The following FOCAD variants were observed in gnomAD, a reference collection of about 807,000 sequenced individuals.
FOCAD encodes focadhesin.
Under a neutral mutation model 225.6 loss-of-function variants are expected in FOCAD, and 198 were observed. The ratio of observed to expected loss-of-function variants is 0.88; its 90% CI spans 0.78 to 0.99. FOCAD has a LOEUF of 0.99. FOCAD is among the 50% of genes least tolerant of loss of function. The pLI, the probability that FOCAD is intolerant of heterozygous loss-of-function variation, is 0.00. For missense variants in FOCAD, 2,713 were observed against 2,123.6 expected (o/e 1.28, Z -5.46); for synonymous variants, 897 against 755.0 (o/e 1.19, Z -3.08).
At chr9:20,752,647 A>T (rs1413317488) in intron 5 of FOCAD, among the ~76,000 whole-genome samples, 1 of 151,928 alleles carries the variant, frequency 6.6e-6, no homozygotes, top group Non-Finnish European at 1.5e-5. Flanking sequence ...TGCGGGCTCT[A>T]TTTTGGTTCC....
At chr9:20,670,517 A>G (rs1416663240) in intron 2 of FOCAD, among the ~76,000 whole-genome samples, 1 of 152,168 alleles carries the variant, frequency 6.6e-6, no homozygotes, top group Non-Finnish European at 1.5e-5. Flanking sequence ...GAATAGAGAA[A>G]GGGAGGGAGT....
chr9:20,682,124 A>C (rs969201987), upstream of FOCAD, among the ~76,000 whole-genome samples: 1 of 152,206 alleles, frequency 6.6e-6, no homozygotes, highest in African/African-American at 2.4e-5. Flanking sequence ...GGCACCATCC[A>C]TGAGGAATGG....
intron 35 of FOCAD, among the ~76,000 whole-genome samples, chr9:20,960,662 G>A (rs1838620847): frequency 6.6e-6 from 1 of 151,732 alleles, no homozygotes; most frequent in African/African-American, 2.4e-5. Context: ...GTATACATGT[G>A]CCATATTGGT....
chr9:20,887,832 T>A (rs1433112317), intron 21 of FOCAD, among the ~76,000 whole-genome samples: 1 of 152,236 alleles, frequency 6.6e-6, no homozygotes, highest in Non-Finnish European at 1.5e-5. Context: ...TCAGTTGCTC[T>A]GCCTTCTTGT....
At chr9:20,755,264 TC>T (rs1828944772) in intron 5 of FOCAD, among the ~76,000 whole-genome samples, 1 of 152,212 alleles carries the variant, frequency 6.6e-6, no homozygotes, top group Admixed American at 6.6e-5. Flanking sequence ...ATGATCCCTA[TC>T]CTACTATATT....
chr9:20,696,674 G>A (rs529221466), intron 1 of FOCAD, among the ~76,000 whole-genome samples: 12 of 152,232 alleles, frequency 7.9e-5, no homozygotes, highest in South Asian at 2.1e-4. Context: ...GCATGGTGGC[G>A]CAAGCCTGTA....
chr9:20,758,031 A>T, intron 5 of FOCAD, 59 bp from the exon 6 acceptor site: 1 of 1,100,108 alleles, frequency 9.1e-7, no homozygotes, highest in Non-Finnish European at 1.3e-6. Flanking sequence ...CTATATTTGG[A>T]TATTGAAAAT....
At chr9:20,884,609 A>C (rs1830952655) in intron 20 of FOCAD, among the ~76,000 whole-genome samples, 4 of 151,892 alleles carry the variant, frequency 2.6e-5, no homozygotes, top group African/African-American at 9.7e-5. Flanking sequence ...ATAGTATTTT[A>C]AATATTAGCT....
At chr9:20,766,661 C>A (rs533000407) in intron 7 of FOCAD, among the ~76,000 whole-genome samples, 2 of 151,696 alleles carry the variant, frequency 1.3e-5, no homozygotes, top group Non-Finnish European at 2.9e-5. Context: ...TCCTCACCTC[C>A]CTCCCTTCCT....
chr9:20,933,248 T>G (rs1835655152), intron 28 of FOCAD, 145 bp downstream of exon 28: 1 of 601,082 alleles, frequency 1.7e-6, no homozygotes, highest in African/African-American at 1.9e-5. Flanking sequence ...TTTGGTTACA[T>G]GAGTAAGTTC....
intron 19 of FOCAD, among the ~76,000 whole-genome samples, chr9:20,880,617 T>A (rs1014546421): frequency 6.6e-6 from 1 of 152,178 alleles, no homozygotes; most frequent in Non-Finnish European, 1.5e-5. Context: ...TATTGGTGTT[T>A]TTGAGCTTTG....
At chr9:20,912,989 A>C (rs1259526436) in intron 23 of FOCAD, 35 bp downstream of exon 23, 2 of 1,554,002 alleles carry the variant, frequency 1.3e-6, no homozygotes, top group African/African-American at 1.4e-5. Context: ...ATTATTTGTC[A>C]TGGGAAGTGA....
intron 15 of FOCAD, among the ~76,000 whole-genome samples, chr9:20,843,602 C>T (rs1358763782): frequency 2.0e-5 from 3 of 152,016 alleles, no homozygotes; most frequent in Non-Finnish European, 4.4e-5. Context: ...ATTAAAGCTG[C>T]TTGGTGTTCC....
intron 15 of FOCAD, among the ~76,000 whole-genome samples, chr9:20,855,974 C>G (rs1253688492): frequency 1.3e-5 from 2 of 151,612 alleles, no homozygotes; most frequent in Non-Finnish European, 3.0e-5. Flanking sequence ...ACCACATTTT[C>G]TTTATTCATT....
intron 4 of FOCAD, among the ~76,000 whole-genome samples, chr9:20,732,608 G>A (rs1177899251): frequency 6.6e-6 from 1 of 152,086 alleles, no homozygotes; most frequent in East Asian, 1.9e-4. Flanking sequence ...TTTATCTAGC[G>A]GGTGTTAGTG....
intron 15 of FOCAD, among the ~76,000 whole-genome samples, chr9:20,841,479 G>A (rs897357394): frequency 1.3e-5 from 2 of 151,440 alleles, no homozygotes; most frequent in African/African-American, 4.8e-5. Context: ...TTTCTTCCTA[G>A]TTTGGTCTTG....
At chr9:20,931,190 C>T (rs1835433718) in intron 27 of FOCAD, among the ~76,000 whole-genome samples, 1 of 152,152 alleles carries the variant, frequency 6.6e-6, no homozygotes, top group Non-Finnish European at 1.5e-5. Flanking sequence ...CTTGACCCTG[C>T]TTCCTAGGTT....
chr9:20,695,029 T>G (rs927583479), intron 1 of FOCAD, among the ~76,000 whole-genome samples: 10 of 152,202 alleles, frequency 6.6e-5, no homozygotes. Context: ...TGTCATTGAT[T>G]TGTTGGAGAA....
At chr9:20,847,562 G>A (rs181762287) in intron 15 of FOCAD, among the ~76,000 whole-genome samples, 1 of 151,738 alleles carries the variant, frequency 6.6e-6, no homozygotes, top group East Asian at 1.9e-4. Flanking sequence ...TATTTAGTTG[G>A]TGTGACAAGA....
Sources: gnomAD v4.1 joint callset for allele counts (sites outside exome capture counted in the v4.1 genomes callset) on GRCh38, gnomAD v4.1.1 for gene constraint, MANE v1.5 for transcripts, NCBI Gene and HGNC (gene_info 2026-07-23, HGNC 2026-07-21) for gene names.